Variants in STAMBP observed in about 807,000 individuals in gnomAD.
The protein encoded by STAMBP is STAM binding protein.
STAMBP carries 31 observed loss-of-function variants against 50.7 expected under a neutral mutation model. That is an observed-to-expected ratio of 0.61 (90% CI 0.46 to 0.83). The LOEUF is 0.83. Among genes scored for constraint, STAMBP ranks in the 40% least tolerant of loss-of-function variants. The probability of loss-of-function intolerance (pLI) is 0.00; values close to 1 mark genes in which losing one functional copy is unlikely to be tolerated. For synonymous variants in STAMBP, 211 were observed against 192.4 expected (o/e 1.10, Z -0.80); for missense variants, 472 against 518.9 (o/e 0.91, Z 0.88).
rs755703437 is a variant in STAMBP at position 73,847,766 on chromosome 2, G to A, written c.742+13G>A. 1.2e-6 allele frequency: 2 copies of A among 1,606,744 alleles called. No homozygotes were observed. The highest frequency in any genetic ancestry group is 2.7e-5 in the African/African-American group (2 of 74,800). On this transcript the variant is annotated intron_variant, in intron 5 of 9. Coordinates refer to ENST00000394070, the MANE Select transcript of STAMBP (RefSeq NM_213622.4). ...AACTCAGAAAGTAGTAAGTGCATTTGCTGATGTCCTCTTCCTTCTCAGTTG... is the reference window on the plus strand; with the variant it reads ...AACTCAGAAAGTAGTAAGTGCATTTACTGATGTCCTCTTCCTTCTCAGTTG...
rs1302863525 is a variant in STAMBP at position 73,865,417 on chromosome 2, C to G, written c.*3158C>G. The G allele has an allele frequency of 6.6e-6, 1 of 152,214 alleles. No individual in the cohort carries two copies. 9.4% of individuals were successfully genotyped at this position (152,214 alleles called of 1,614,324 possible). ...CCAGTTTGTCCAAGGATCTTTCAAA[C>G]ATGTGAGCCCAGAGTAGAACTTCTG... On this transcript the variant is annotated 3_prime_UTR_variant, in exon 10 of 10. Transcript: ENST00000394070.
chr2:73,838,813 T>C (rs771797920), intron 2 of STAMBP, among the ~76,000 whole-genome samples: 3 of 152,154 alleles, frequency 2.0e-5, no homozygotes, highest in Non-Finnish European at 4.4e-5. Context: ...AATTTGGAAT[T>C]TTGTTGTATT....
Position 73,866,390 on chromosome 2 carries a change from G to A in STAMBP, c.*4131G>A, listed in dbSNP as rs1485792258. On this transcript the variant is annotated 3_prime_UTR_variant, in exon 10 of 10. Coordinates refer to ENST00000394070, the MANE Select transcript of STAMBP (RefSeq NM_213622.4). ...TGTGTGTTTTTTGTTGTTTTGCAGCGTTTTCATATTGTCTTTTATGTAAGT... is the reference window on the plus strand; with the variant it reads ...TGTGTGTTTTTTGTTGTTTTGCAGCATTTTCATATTGTCTTTTATGTAAGT... 7 of 152,234 alleles carry A rather than the reference G, an allele frequency of 4.6e-5. No homozygotes were observed. The highest frequency in any genetic ancestry group is 3.9e-4 in the East Asian group (2 of 5,192). 9.4% of individuals were successfully genotyped at this position (152,234 alleles called of 1,614,324 possible).
chr2:73,868,738 T>C (rs965338220), downstream of STAMBP, among the ~76,000 whole-genome samples: 3 of 151,656 alleles, frequency 2.0e-5, no homozygotes, highest in East Asian at 1.9e-4. Flanking sequence ...TAGCCAGGCA[T>C]TGGTGCATGC....
downstream of STAMBP, among the ~76,000 whole-genome samples, chr2:73,871,796 C>T (rs1679210108): frequency 6.6e-6 from 1 of 152,096 alleles, no homozygotes; most frequent in African/African-American, 2.4e-5. Context: ...GAAACAGAGG[C>T]TCGCTGTGTC....
At chr2:73,845,671 G>A (rs1162063563) in intron 4 of STAMBP, among the ~76,000 whole-genome samples, 14 of 141,412 alleles carry the variant, frequency 9.9e-5, no homozygotes, top group African/African-American at 3.0e-4. Context: ...TCACTCTGTC[G>A]CCTAGGCTGG....
intron 9 of STAMBP, among the ~76,000 whole-genome samples, chr2:73,861,973 A>C (rs1043081104): frequency 6.6e-6 from 1 of 152,060 alleles, no homozygotes; most frequent in East Asian, 1.9e-4. Flanking sequence ...CCCCACCTCT[A>C]CTAAAAACAC....
In STAMBP at chr2:73,866,674, C is replaced by T. The variant is rs144139572; in HGVS notation, c.*4415C>T. ...GCTGCACTTGAGCTTTCTTTCCAGC[C>T]GCCAGGAGGGATGGTTGTCCTGGCC... On this transcript the variant is annotated 3_prime_UTR_variant, in exon 10 of 10. Coordinates refer to ENST00000394070, the MANE Select transcript of STAMBP (RefSeq NM_213622.4). 29 of 152,258 alleles carry T rather than the reference C, an allele frequency of 1.9e-4. No individual in the cohort carries two copies. The highest frequency in any genetic ancestry group is 6.3e-4 in the African/African-American group (26 of 41,518). 9.4% of individuals were successfully genotyped at this position (152,258 alleles called of 1,614,324 possible).
chr2:73,852,899 G>A, intron 7 of STAMBP, among the ~76,000 whole-genome samples: 1 of 143,880 alleles, frequency 7.0e-6, no homozygotes, highest in African/African-American at 2.7e-5. Flanking sequence ...AGTAGACTGG[G>A]TTTCACTATG....
Position 73,829,177 on chromosome 2 carries a change from G to A in STAMBP, c.-346G>A, listed in dbSNP as rs1673568172. The A allele has an allele frequency of 6.6e-6, 1 of 152,314 alleles. No individual in the cohort carries two copies. The highest frequency in any genetic ancestry group is 2.4e-5 in the African/African-American group (1 of 41,464). The allele number at this position is 152,314 out of a possible 1,614,324, so 9.4% of individuals were successfully genotyped here. On this transcript the variant is annotated 5_prime_UTR_variant, in exon 1 of 10. Transcript: ENST00000394070. Reference sequence around the variant, plus strand: ...CCGCGGGCTGGCGCCTGACCAGCCAGGCCCAGCGGTTCCCCGCCTACTGCA... The same window carrying A: ...CCGCGGGCTGGCGCCTGACCAGCCAAGCCCAGCGGTTCCCCGCCTACTGCA...
chr2:73,856,640 C>G (rs1677583878), intron 7 of STAMBP, among the ~76,000 whole-genome samples: 3 of 152,332 alleles, frequency 2.0e-5, no homozygotes, highest in South Asian at 4.1e-4. Flanking sequence ...GGATGCCCAT[C>G]ATGACAACCC....
Position 73,864,981 on chromosome 2 carries a change from G to C in STAMBP, c.*2722G>C, listed in dbSNP as rs1405344219. ...TTAAGCTTTTGTAATATTGTCTTGG[G>C]TACCAGATACCATAAAAGGCAGCAT... On this transcript the variant is annotated 3_prime_UTR_variant, in exon 10 of 10. Coordinates refer to ENST00000394070, the MANE Select transcript of STAMBP (RefSeq NM_213622.4). The C allele has an allele frequency of 6.6e-6, 1 of 152,176 alleles. No homozygotes were observed. The highest frequency in any genetic ancestry group is 6.5e-5 in the Admixed American group (1 of 15,284). The allele number at this position is 152,176 out of a possible 1,614,324, so 9.4% of individuals were successfully genotyped here.
chr2:73,859,974 G>GGT (rs1678128713), intron 8 of STAMBP, 78 bp from the exon 9 acceptor site: 89 of 967,646 alleles, frequency 9.2e-5, no homozygotes, highest in Middle Eastern at 4.2e-4. Flanking sequence ...TGTGCATGCT[G>GGT]GTGTGTGTGT....
intron 7 of STAMBP, among the ~76,000 whole-genome samples, chr2:73,854,454 G>C (rs1410741529): frequency 6.6e-6 from 1 of 152,204 alleles, no homozygotes; most frequent in Non-Finnish European, 1.5e-5. Context: ...TAAATTGATA[G>C]TAGTTCAGCT....
Position 73,859,334 on chromosome 2 carries a change from A to G in STAMBP, c.1086A>G (p.Ser362=). The change falls in exon 8 of 10, where the codon TCA becomes TCG. Residue 362 remains serine, a synonymous_variant. Coordinates refer to ENST00000394070, the MANE Select transcript of STAMBP (RefSeq NM_213622.4). ...CTTACCAGATGATGTTGCCAGAGTC[A>G]GTAGCCATTGTTTGCTCCCCCAAGT... ...HCSYQMMLPE[S]VAIVCSPKFQ... 6.2e-7 allele frequency: 1 copy of G among 1,614,198 alleles called. No homozygotes were observed. The highest frequency in any genetic ancestry group is 1.3e-5 in the African/African-American group (1 of 75,064).
At position 73,828,967 on chromosome 2, in the gene STAMBP, G is replaced by A. The variant is rs1045210313; in HGVS notation, c.-556G>A. The A allele has an allele frequency of 6.6e-6, 1 of 152,292 alleles. No individual in the cohort carries two copies. The highest frequency in any genetic ancestry group is 2.4e-5 in the African/African-American group (1 of 41,430). The allele number at this position is 152,292 out of a possible 1,614,324, so 9.4% of individuals were successfully genotyped here. A position where few individuals can be genotyped will look rare whatever the true frequency, so the allele number is the denominator to read the frequency against. On this transcript the variant is annotated 5_prime_UTR_variant, in exon 1 of 10. Coordinates refer to ENST00000394070, the MANE Select transcript of STAMBP (RefSeq NM_213622.4). ...AGCGGGCGCCGGATGTGACGTTTCCGGAACCTCCGGGTGTCATCCGCGGGG... is the reference window on the plus strand; with the variant it reads ...AGCGGGCGCCGGATGTGACGTTTCCAGAACCTCCGGGTGTCATCCGCGGGG...
chr2:73,836,266 G>A (rs1191452945), intron 2 of STAMBP, among the ~76,000 whole-genome samples: 4 of 152,352 alleles, frequency 2.6e-5, no homozygotes, highest in East Asian at 1.9e-4. Flanking sequence ...CTGGCCCGTC[G>A]TCGGAACCTC....
chr2:73,871,771 A>G (rs914846388), downstream of STAMBP, among the ~76,000 whole-genome samples: 2 of 152,012 alleles, frequency 1.3e-5, no homozygotes, highest in Non-Finnish European at 2.9e-5. Flanking sequence ...TCAGCAAGAA[A>G]AAAACTTTTT....
intron 1 of STAMBP, among the ~76,000 whole-genome samples, chr2:73,830,049 G>A (rs960391415): frequency 1.3e-5 from 2 of 152,180 alleles, no homozygotes; most frequent in Admixed American, 1.3e-4. Context: ...GTTGGAATTT[G>A]GAATCTGATT....
Sources: allele counts gnomAD v4.1 joint callset (sites outside exome capture counted in the v4.1 genomes callset), GRCh38; gene constraint gnomAD v4.1.1; transcripts MANE v1.5; gene names NCBI Gene and HGNC (gene_info 2026-07-23, HGNC 2026-07-21).